Variants in ACOXL observed in about 807,000 individuals in gnomAD.
ACOXL encodes acyl-coenzyme A oxidase-like protein.
In ACOXL, 70 loss-of-function variants were observed where a neutral mutation model predicts 71.9. The observed-to-expected ratio is 0.97, with a 90% CI of 0.80 to 1.19. The LOEUF is 1.19. Ranked by LOEUF, ACOXL falls within the 50% of genes most tolerant of loss-of-function variation. The probability of loss-of-function intolerance (pLI) is 0.00; values close to 1 mark genes in which losing one functional copy is unlikely to be tolerated. For missense variants in ACOXL, 703 were observed against 736.3 expected, an observed-to-expected ratio of 0.95 and a Z score of 0.52; for synonymous variants, 253 against 281.6, an observed-to-expected ratio of 0.90 and a Z score of 1.02.
intron 16 of ACOXL, among the ~76,000 whole-genome samples, 189 bp downstream of exon 16, chr2:111,049,477 G>A (rs970503862): frequency 5.3e-5 from 8 of 152,122 alleles, no homozygotes; most frequent in Admixed American, 2.6e-4. Flanking sequence ...TGCGGAGTGC[G>A]GGAAAGTGAC....
chr2:110,910,325 T>C (rs527324196), intron 11 of ACOXL, among the ~76,000 whole-genome samples: 2 of 152,346 alleles, frequency 1.3e-5, no homozygotes, highest in South Asian at 4.1e-4. Flanking sequence ...TTTTTATTGC[T>C]GAATAGTAAC....
chr2:110,880,154 A>C (rs1349033961), intron 10 of ACOXL, among the ~76,000 whole-genome samples: 1 of 58,868 alleles, frequency 1.7e-5, no homozygotes, highest in South Asian at 4.1e-4. Flanking sequence ...TGTCACAAAC[A>C]AAAAAAAAAA....
Position 110,995,930 on chromosome 2 carries a change from G to T in ACOXL, c.1207G>T (p.Ala403Ser). 3 of 1,609,472 alleles carry T rather than the reference G, an allele frequency of 1.9e-6. No homozygotes were observed. The highest frequency in any genetic ancestry group is 1.4e-5 in the African/African-American group (1 of 71,092). Residue 403 changes from alanine (A) to serine (S), a missense_variant, in exon 14 of 18, where the codon GCC becomes TCC. Transcript: ENST00000439055. Reference sequence around the variant, plus strand: ...TAACATGGACACAGTTGATGATCTCGCCTTTCTGTTGAAAGCAGTGAAATT... The same window carrying T: ...TAACATGGACACAGTTGATGATCTCTCCTTTCTGTTGAAAGCAGTGAAATT... The part of the protein sequence containing the change: ...AFNMDTVDDL[A>S]FLLKAVKFRE...
At chr2:111,033,565 A>G (rs1574547944) in intron 15 of ACOXL, among the ~76,000 whole-genome samples, 1 of 152,206 alleles carries the variant, frequency 6.6e-6, no homozygotes, top group Non-Finnish European at 1.5e-5. Flanking sequence ...TAGAGCCCAC[A>G]GTGTGTCTAC....
At chr2:110,954,559 T>C (rs1486198020) in intron 12 of ACOXL, among the ~76,000 whole-genome samples, 1 of 152,218 alleles carries the variant, frequency 6.6e-6, no homozygotes, top group Non-Finnish European at 1.5e-5. Flanking sequence ...AGTGAATTAT[T>C]AGCATTCTTT....
chr2:111,081,572 A>G (rs2067923044), intron 16 of ACOXL, among the ~76,000 whole-genome samples: 1 of 152,230 alleles, frequency 6.6e-6, no homozygotes. Context: ...GGAAGAATCA[A>G]TATCATGAAA....
At chr2:111,078,156 TCA>T (rs35143424) in intron 16 of ACOXL, among the ~76,000 whole-genome samples, 34,537 of 152,098 alleles carry the variant, frequency 0.23, 4,060 homozygotes, top group East Asian at 0.44. Flanking sequence ...TCTAGTTTAC[TCA>T]GTCTTTCCTC....
intron 2 of ACOXL, among the ~76,000 whole-genome samples, chr2:110,775,433 A>G (rs1393145111): frequency 3.9e-5 from 6 of 152,212 alleles, no homozygotes; most frequent in Admixed American, 3.3e-4. Flanking sequence ...ATCAAGGGAC[A>G]CTATCAACAG....
chr2:110,903,327 C>T (rs1209736501), intron 10 of ACOXL, among the ~76,000 whole-genome samples: 2 of 152,218 alleles, frequency 1.3e-5, no homozygotes, highest in African/African-American at 2.4e-5. Flanking sequence ...CTTAAGCAGC[C>T]GCGTTCAAAA....
At chr2:110,848,341 T>G (rs1278938611) in intron 10 of ACOXL, among the ~76,000 whole-genome samples, 1 of 152,250 alleles carries the variant, frequency 6.6e-6, no homozygotes, top group Non-Finnish European at 1.5e-5. Flanking sequence ...CAACCAGATA[T>G]ACACAGGGTT....
rs567318996 is a variant in ACOXL, at chr2:110,995,499, C to CAAAAAAAAAAAAAAA, written c.1170-389_1170-375dup. Among the ~76,000 whole-genome samples, 5 of 67,304 alleles carry CAAAAAAAAAAAAAAA rather than the reference C, an allele frequency of 7.4e-5. 1 individual carries two copies. Among genetic ancestry groups the CAAAAAAAAAAAAAAA allele is most frequent in the Non-Finnish European group, 7.5e-5 (3 of 40,242 alleles). 44.2% of individuals were successfully genotyped at this position (67,304 alleles called of 152,430 possible). A position where few individuals can be genotyped will look rare whatever the true frequency, so the allele number is the denominator to read the frequency against. On this transcript the variant is annotated intron_variant, in intron 13 of 17. Transcript: ENST00000439055. ...TGGGAAACAGAGTGAGACTCTGTCTCAAAAAAAAAAAAAAAAAAAGAATTG... is the reference window on the plus strand; with the variant it reads ...TGGGAAACAGAGTGAGACTCTGTCTCAAAAAAAAAAAAAAAAAAAAAAAAAAAAAAAAAAGAATTG...
At chr2:110,897,558 T>G (rs1156694728) in intron 10 of ACOXL, among the ~76,000 whole-genome samples, 3 of 148,746 alleles carry the variant, frequency 2.0e-5, no homozygotes, top group Non-Finnish European at 4.5e-5. Context: ...AGCATTAGCC[T>G]ATTATGAGGG....
rs191652893 is a variant in ACOXL at position 110,927,562 on chromosome 2, A to G, written c.906-5927A>G. Among the ~76,000 whole-genome samples, 132 of 152,280 alleles carry G rather than the reference A, an allele frequency of 8.7e-4. 2 individuals carry two copies. In the South Asian group the frequency reaches 0.025, roughly 29 times the overall value. On this transcript the variant is annotated intron_variant, in intron 11 of 17. Coordinates refer to ENST00000439055, the MANE Select transcript of ACOXL (RefSeq NM_001142807.4). ...TTTTGAGACCCAGTTGAGGCTGCCA[A>G]CTTCTCTAAGACACTCTCCCTGAGC...
intron 17 of ACOXL, 39 bp from the exon 18 acceptor site, chr2:111,117,577 G>A: frequency 6.5e-7 from 1 of 1,548,646 alleles, no homozygotes; most frequent in Non-Finnish European, 8.7e-7. Context: ...CTGTAAGTGT[G>A]CCAACATCTG....
intron 16 of ACOXL, among the ~76,000 whole-genome samples, chr2:111,073,254 T>A (rs1443600831): frequency 6.6e-6 from 1 of 152,242 alleles, no homozygotes; most frequent in African/African-American, 2.4e-5. Flanking sequence ...AAGTTTTTTA[T>A]TTTGATGAAA....
chr2:111,083,513 G>A (rs2068037517), intron 16 of ACOXL, among the ~76,000 whole-genome samples: 1 of 151,896 alleles, frequency 6.6e-6, no homozygotes, highest in African/African-American at 2.4e-5. Context: ...GATAACATGT[G>A]CAAGGTGGTG....
intron 12 of ACOXL, among the ~76,000 whole-genome samples, chr2:110,947,545 C>T (rs923182394): frequency 9.9e-5 from 15 of 152,198 alleles, no homozygotes; most frequent in South Asian, 2.1e-4. Context: ...AAACTTGATT[C>T]TCTTTCCTTT....
chr2:110,851,612 CGTGGTGGGGTGGTGCAGCCCG>C (rs1692609189), intron 10 of ACOXL, among the ~76,000 whole-genome samples: 1 of 152,198 alleles, frequency 6.6e-6, no homozygotes, highest in Admixed American at 6.5e-5. Flanking sequence ...GTGAGGCCCT[CGTGGTGGGGTGGTGCAGCCCG>C]AGGCACCACC....
intron 12 of ACOXL, among the ~76,000 whole-genome samples, chr2:110,934,559 A>C (rs575754390): frequency 1.3e-5 from 2 of 152,354 alleles, no homozygotes; most frequent in African/African-American, 4.8e-5. Flanking sequence ...GGGCAAGTCA[A>C]GGGCAGCTGT....
Sources: allele counts gnomAD v4.1 joint callset (sites outside exome capture counted in the v4.1 genomes callset), GRCh38; gene constraint gnomAD v4.1.1; transcripts MANE v1.5; gene names NCBI Gene and HGNC (gene_info 2026-07-23, HGNC 2026-07-21).